The following IGBP1 variants were observed in gnomAD, a reference collection of about 807,000 sequenced individuals.
IGBP1 encodes the protein immunoglobulin-binding protein 1.
IGBP1 carries 2 observed loss-of-function variants against 25.9 expected under a neutral mutation model. That is an observed-to-expected ratio of 0.08 (90% CI 0.03 to 0.24). The LOEUF (loss-of-function observed/expected upper bound fraction) is 0.24. Ranked by LOEUF, IGBP1 falls within the 10% of genes least tolerant of loss-of-function variation. The probability of loss-of-function intolerance (pLI) is 1.00; values close to 1 mark genes in which losing one functional copy is unlikely to be tolerated. For missense variants in IGBP1, 187 were observed against 260.4 expected (o/e 0.72, Z 1.94); for synonymous variants, 96 against 93.4 (o/e 1.03, Z -0.16).
Position 70,133,535 on chromosome X carries a change from C to G in IGBP1, c.-231C>G. The stretch of plus-strand genomic sequence containing the variant: ...GGACTCCTCAACCTAGGGAGCTACT[C>G]GCGAGGTAAGGGGCGCGCCAGACTG... On this transcript the variant is annotated 5_prime_UTR_variant, in exon 1 of 7. Transcript: ENST00000356413. 2.9e-6 allele frequency: 1 copy of G among 349,480 alleles called. No homozygotes were observed. The highest frequency in any genetic ancestry group is 4.9e-6 in the Non-Finnish European group (1 of 202,797). The allele number at this position is 349,480 out of a possible 1,213,427, so 28.8% of individuals were successfully genotyped here.
intron 6 of IGBP1, among the ~76,000 whole-genome samples, chrX:70,151,664 G>A (rs2085203656): frequency 9.0e-6 from 1 of 111,369 alleles, no homozygotes; most frequent in African/African-American, 3.3e-5. Context: ...GATTGCTTGA[G>A]CTCAGGAATT....
intron 6 of IGBP1, among the ~76,000 whole-genome samples, chrX:70,158,253 C>T (rs955314889): frequency 9.0e-6 from 1 of 111,676 alleles, no homozygotes; most frequent in Admixed American, 9.6e-5. Flanking sequence ...GTTGATCCAC[C>T]GGTCTCCCTT....
chrX:70,146,877 G>A (rs1313903525), intron 4 of IGBP1, 49 bp downstream of exon 4: 3 of 929,287 alleles, frequency 3.2e-6, no homozygotes, highest in Non-Finnish European at 3.1e-6. Flanking sequence ...GTATTCTACA[G>A]GAGATCAAAT....
intron 3 of IGBP1, among the ~76,000 whole-genome samples, chrX:70,135,086 C>G (rs2085087224): frequency 8.9e-6 from 1 of 112,284 alleles, no homozygotes; most frequent in Non-Finnish European, 1.9e-5. Flanking sequence ...ACCTTTTCCA[C>G]ATCACATCAT....
intron 6 of IGBP1, 22 bp from the exon 7 acceptor site, chrX:70,165,811 C>G: frequency 8.4e-7 from 1 of 1,193,486 alleles, no homozygotes; most frequent in Non-Finnish European, 1.1e-6. Flanking sequence ...TCTCACCTCC[C>G]TTTCTAATTT....
At chrX:70,153,966 T>G (rs1222429172) in intron 6 of IGBP1, among the ~76,000 whole-genome samples, 1 of 111,442 alleles carries the variant, frequency 9.0e-6, no homozygotes, top group Non-Finnish European at 1.9e-5. Context: ...AGACCAACCC[T>G]GATAGAGTAT....
chrX:70,140,768 T>C (rs942863854), intron 3 of IGBP1, among the ~76,000 whole-genome samples: 1 of 111,539 alleles, frequency 9.0e-6, no homozygotes, highest in African/African-American at 3.3e-5. Context: ...TTGAGAGAAA[T>C]AGAGAAGTGG....
chrX:70,134,871 A>T, intron 3 of IGBP1, 55 bp downstream of exon 3: 9 of 1,111,640 alleles, frequency 8.1e-6, no homozygotes, highest in Non-Finnish European at 1.1e-5. Flanking sequence ...TTTCAGGGGC[A>T]TGCTTTCTTG....
Position 70,138,014 on chromosome X carries a change from TAATCCCAG to T in IGBP1, c.482+3199_482+3206del, listed in dbSNP as rs754411939. Among the ~76,000 whole-genome samples the T allele has an allele frequency of 2.1e-4, 22 of 107,210 alleles. No homozygotes were observed. In the South Asian group the frequency reaches 8.6e-3, roughly 42 times the overall value. The allele number at this position is 107,210 out of a possible 115,157, so 93.1% of individuals were successfully genotyped here. The stretch of plus-strand genomic sequence containing the variant: ...ATCCGGGGGTGGTGATGCACTCCTG[TAATCCCAG>T]GTACTCGGGAGGCTGAGGCAGCAGA... On this transcript the variant is annotated intron_variant, in intron 3 of 6. Transcript: ENST00000356413.
At chrX:70,147,989 A>G (rs2085177652) in intron 4 of IGBP1, among the ~76,000 whole-genome samples, 1 of 112,133 alleles carries the variant, frequency 8.9e-6, no homozygotes, top group African/African-American at 3.2e-5. Context: ...TGTCTAGATG[A>G]GTGCTTTTCA....
At chrX:70,144,378 C>T (rs1364903924) in intron 3 of IGBP1, among the ~76,000 whole-genome samples, 2 of 111,328 alleles carry the variant, frequency 1.8e-5, no homozygotes, top group Non-Finnish European at 3.8e-5. Flanking sequence ...CTAAGGTCCT[C>T]GTATGTTATT....
intron 6 of IGBP1, among the ~76,000 whole-genome samples, chrX:70,162,788 A>G (rs746359713): frequency 9.0e-6 from 1 of 111,634 alleles, no homozygotes; most frequent in Non-Finnish European, 1.9e-5. Flanking sequence ...AGCCTGGCCA[A>G]TGTGATAAAA....
intron 3 of IGBP1, among the ~76,000 whole-genome samples, chrX:70,142,487 G>C (rs929765332): frequency 9.0e-6 from 1 of 110,863 alleles, no homozygotes; most frequent in Non-Finnish European, 1.9e-5. Flanking sequence ...AAGAATGTGT[G>C]GGGGGTACTA....
intron 5 of IGBP1, 39 bp from the exon 6 acceptor site, chrX:70,150,171 T>C: frequency 1.2e-6 from 1 of 850,748 alleles, no homozygotes. Flanking sequence ...TTTTGTTTTT[T>C]TGTTTTTTTG....
chrX:70,160,624 T>G (rs1260999322), intron 6 of IGBP1, among the ~76,000 whole-genome samples: 1 of 112,364 alleles, frequency 8.9e-6, no homozygotes, highest in African/African-American at 3.2e-5. Context: ...ACAGCCAAAG[T>G]GTTGAGAGAC....
In IGBP1 at chrX:70,133,469, G is replaced by A; in HGVS notation, c.-297G>A. ...CTTGCACTTCGCGCTCAAGCGACCG[G>A]ATCTTCAAACCGTGGGAGTGGTGCG... On this transcript the variant is annotated 5_prime_UTR_variant, in exon 1 of 7. Transcript: ENST00000356413. 1 of 248,649 alleles carries A rather than the reference G, an allele frequency of 4.0e-6. No homozygotes were observed. Among genetic ancestry groups the A allele is most frequent in the Non-Finnish European group, 7.2e-6 (1 of 139,180 alleles). The allele number at this position is 248,649 out of a possible 1,213,427, so 20.5% of individuals were successfully genotyped here.
At position 70,166,177 on chromosome X, in the gene IGBP1, G is replaced by A. The variant is rs985501752; in HGVS notation, c.*196G>A. The A allele has an allele frequency of 7.0e-6, 3 of 426,983 alleles. No individual in the cohort carries two copies. The highest frequency in any genetic ancestry group is 1.2e-5 in the Non-Finnish European group (3 of 242,482). 35.2% of individuals were successfully genotyped at this position (426,983 alleles called of 1,213,427 possible). On this transcript the variant is annotated 3_prime_UTR_variant, in exon 7 of 7. Transcript: ENST00000356413. Reference sequence around the variant, plus strand: ...CTAGATGATATGAACCAGCAGTCTTGTTTTGGCATCATCCTCATCATGTTG... The same window carrying A: ...CTAGATGATATGAACCAGCAGTCTTATTTTGGCATCATCCTCATCATGTTG...
chrX:70,134,991 G>A (rs1358256287), intron 3 of IGBP1, among the ~76,000 whole-genome samples, 175 bp downstream of exon 3: 1 of 112,421 alleles, frequency 8.9e-6, no homozygotes, highest in Non-Finnish European at 1.9e-5. Flanking sequence ...CTCTGCTTTT[G>A]TTGAGATGAT....
At chrX:70,145,200 T>C (rs1440221103) in intron 3 of IGBP1, among the ~76,000 whole-genome samples, 1 of 110,457 alleles carries the variant, frequency 9.1e-6, no homozygotes, top group Non-Finnish European at 1.9e-5. Context: ...CTGGAGAGTC[T>C]AAAGTGGGAT....
Sources: gnomAD v4.1 joint callset for allele counts (sites outside exome capture counted in the v4.1 genomes callset) on GRCh38, gnomAD v4.1.1 for gene constraint, MANE v1.5 for transcripts, NCBI Gene and HGNC (gene_info 2026-07-23, HGNC 2026-07-21) for gene names.